EBPL: variants seen among roughly 807,000 people sequenced by gnomAD.
The protein encoded by EBPL is EBP like.
EBPL carries 20 observed loss-of-function variants against 19.0 expected under a neutral mutation model. That is an observed-to-expected ratio of 1.05 (90% CI 0.74 to 1.53). The LOEUF (loss-of-function observed/expected upper bound fraction) is 1.53. EBPL is among the 40% of genes most tolerant of loss of function. EBPL has a pLI of 0.00. For synonymous variants in EBPL, 107 were observed against 117.0 expected (o/e 0.91, Z 0.55); for missense variants, 219 against 261.1 (o/e 0.84, Z 1.11).
At chr13:49,663,897 C>G (rs959910356) in intron 2 of EBPL, among the ~76,000 whole-genome samples, 3 of 150,382 alleles carry the variant, frequency 2.0e-5, no homozygotes, top group African/African-American at 7.4e-5. Flanking sequence ...TGCACTCCAG[C>G]CTGGGTGACA....
At position 49,663,190 on chromosome 13, in the gene EBPL, C is replaced by T. The variant is rs1965174542; in HGVS notation, c.247G>A (p.Glu83Lys). Reference protein sequence around the residue: ...SDGLIASLWKEYGKADARWVY... With the variant: ...SDGLIASLWKKYGKADARWVY... ...CATCTTGCATCAGCTTTGCCATATT[C>T]TTTCCCTAAAGACAAAATCCATGTT... The change falls in exon 3 of 4, where the codon GAA becomes AAA. Residue 83 changes from glutamate to lysine, a missense_variant. Transcript: ENST00000242827. 3 of 1,614,018 alleles carry T rather than the reference C, an allele frequency of 1.9e-6. No homozygotes were observed. In the East Asian group the frequency reaches 6.7e-5, roughly 36 times the overall value.
Position 49,691,373 on chromosome 13 carries a change from A to G in EBPL, c.52T>C (p.Cys18Arg), listed in dbSNP as rs1370625132. The change falls in exon 1 of 4, where the codon TGC (cysteine) becomes CGC (arginine). Residue 18 changes from cysteine (C) to arginine (R), a missense_variant. Cys to Arg is a radical substitution (Grantham distance 180). Around this residue, in one of 2 missense-constraint regions of EBPL, gnomAD observed 170 missense variants for 167.0 expected, o/e 1.02. Transcript: ENST00000242827. ...GAEAGGSLLLCAALLAAGCAL... is the reference protein window; with the variant it reads ...GAEAGGSLLLRAALLAAGCAL... ...CAGCCCGCCGCCAGCAGCGCGGCGCACAGCAGCAGCGAACCGCCAGCCTCG... is the reference window on the plus strand; with the variant it reads ...CAGCCCGCCGCCAGCAGCGCGGCGCGCAGCAGCAGCGAACCGCCAGCCTCG... 2 of 1,363,284 alleles carry G rather than the reference A, an allele frequency of 1.5e-6. No individual in the cohort carries two copies. Among genetic ancestry groups the G allele is most frequent in the Middle Eastern group, 2.4e-4 (1 of 4,236 alleles). 84.4% of individuals were successfully genotyped at this position (1,363,284 alleles called of 1,614,324 possible).
intron 1 of EBPL, among the ~76,000 whole-genome samples, chr13:49,676,086 A>G (rs1448469898): frequency 2.6e-5 from 4 of 152,120 alleles, no homozygotes. Flanking sequence ...TAAAATGGAG[A>G]TATCATCACT....
intron 1 of EBPL, among the ~76,000 whole-genome samples, chr13:49,674,323 T>C (rs1953852816): frequency 6.6e-6 from 1 of 151,976 alleles, no homozygotes; most frequent in South Asian, 2.1e-4. Context: ...AGGCTGGTCT[T>C]GAACTCCTGA....
rs576960995 is a variant in EBPL, at chr13:49,669,398, T to G, written c.241+379A>C. ...AAAACTTTTTTTAAAGATAGGGTCT[T>G]GCTATGTTGCCCAGGCTCAAATATT... On this transcript the variant is annotated intron_variant, in intron 2 of 3. Coordinates refer to ENST00000242827, the MANE Select transcript of EBPL (RefSeq NM_032565.5). 1.3e-4 allele frequency among the ~76,000 whole-genome samples: 20 copies of G among 152,302 alleles called. No homozygotes were observed. The South Asian group carries it at 4.1e-3, about 32-fold the overall frequency.
At position 49,691,426 on chromosome 13, in the gene EBPL, C is replaced by A; in HGVS notation, c.-2G>T. On this transcript the variant is annotated 5_prime_UTR_variant, in exon 1 of 4. Transcript: ENST00000242827. The stretch of plus-strand genomic sequence containing the variant: ...CCCCAGCTCCCACTCAGCGCCCATG[C>A]TTCAGGCTTCCGACGCCAACGGCCC... 1 of 1,337,064 alleles carries A rather than the reference C, an allele frequency of 7.5e-7. No homozygotes were observed. Among genetic ancestry groups the A allele is most frequent in the Non-Finnish European group, 9.6e-7 (1 of 1,045,804 alleles). The allele number at this position is 1,337,064 out of a possible 1,614,324, so 82.8% of individuals were successfully genotyped here. A position where few individuals can be genotyped will look rare whatever the true frequency, so the allele number is the denominator to read the frequency against.
rs1380117580 is a variant in EBPL, at chr13:49,688,893, T to C, written c.171+2361A>G. ...CCCAAGCAAAGACAACATGGGCATGTATTTTCTTGCAGCCTCAACTGCTTA... is the reference window on the plus strand; with the variant it reads ...CCCAAGCAAAGACAACATGGGCATGCATTTTCTTGCAGCCTCAACTGCTTA... On this transcript the variant is annotated intron_variant, in intron 1 of 3. Coordinates refer to ENST00000242827, the MANE Select transcript of EBPL (RefSeq NM_032565.5). 2.0e-5 allele frequency among the ~76,000 whole-genome samples: 3 copies of C among 152,170 alleles called. No homozygotes were observed. In the East Asian group the frequency reaches 5.8e-4, roughly 29 times the overall value.
At chr13:49,689,830 G>T (rs976447575) in intron 1 of EBPL, among the ~76,000 whole-genome samples, 1 of 152,144 alleles carries the variant, frequency 6.6e-6, no homozygotes, top group Admixed American at 6.5e-5. Flanking sequence ...GGGAAACCTT[G>T]TGTTCAAGTG....
intron 1 of EBPL, among the ~76,000 whole-genome samples, chr13:49,681,544 G>A (rs550456603): frequency 6.6e-6 from 1 of 152,160 alleles, no homozygotes; most frequent in East Asian, 1.9e-4. Flanking sequence ...GCTCACCTCA[G>A]CCTCCCAAAA....
intron 1 of EBPL, among the ~76,000 whole-genome samples, chr13:49,676,461 G>A (rs942839857): frequency 2.0e-5 from 3 of 152,010 alleles, no homozygotes; most frequent in South Asian, 4.2e-4. Context: ...GCGTGGTGGC[G>A]GGCACCTGTA....
intron 1 of EBPL, among the ~76,000 whole-genome samples, chr13:49,688,458 G>A (rs1460661934): frequency 6.6e-6 from 1 of 152,148 alleles, no homozygotes; most frequent in Non-Finnish European, 1.5e-5. Flanking sequence ...AGTGGCTCAC[G>A]CCTGTAATCC....
intron 1 of EBPL, among the ~76,000 whole-genome samples, chr13:49,672,609 A>G (rs1383509165): frequency 2.0e-5 from 3 of 152,226 alleles, no homozygotes; most frequent in African/African-American, 7.2e-5. Flanking sequence ...AATAATAATA[A>G]TCTGGTTAGA....
At chr13:49,661,239 C>T (rs772111930) in intron 3 of EBPL, 31 bp from the exon 4 acceptor site, 2 of 1,570,836 alleles carry the variant, frequency 1.3e-6, no homozygotes, top group Admixed American at 3.5e-5. Flanking sequence ...CGGGATGAAC[C>T]ACCAGCTTGG....
intron 1 of EBPL, among the ~76,000 whole-genome samples, chr13:49,686,747 ACT>A (rs751062905): frequency 1.5e-4 from 22 of 151,478 alleles, no homozygotes; most frequent in Admixed American, 9.2e-4. Context: ...TTCTGCCCTG[ACT>A]CTGTCTCTCC....
In EBPL at chr13:49,663,057, C is replaced by T. The variant is rs113216911; in HGVS notation, c.380G>A (p.Arg127Gln). 2.7e-5 allele frequency: 44 copies of T among 1,613,462 alleles called. No homozygotes were observed. The East Asian group carries it at 4.5e-4, about 16-fold the overall frequency. ...IYAIVKEKYY[R>Q]HFLQITLCVC... ...AGCAGGACAGAAGAAGGGCACCTAC[C>T]GGTAATATTTTTCTTTGACTATGGC... Residue 127 changes from arginine (R) to glutamine (Q), a missense_variant and splice_region_variant, in exon 3 of 4, where the codon CGG (arginine) becomes CAG (glutamine). By Grantham distance (43) the Arg-to-Gln change is conservative. Around this residue, in one of 2 missense-constraint regions of EBPL, gnomAD observed 49 missense variants for 94.1 expected, o/e 0.52. Transcript: ENST00000242827.
chr13:49,663,346 G>T, intron 2 of EBPL, 151 bp from the exon 3 acceptor site: 1 of 988,876 alleles, frequency 1.0e-6, no homozygotes, highest in Non-Finnish European at 1.5e-6. Context: ...GGCAGGAGAA[G>T]CCCTGGGACC....
At chr13:49,691,099 G>T (rs1411445111) in intron 1 of EBPL, among the ~76,000 whole-genome samples, 155 bp downstream of exon 1, 1 of 152,166 alleles carries the variant, frequency 6.6e-6, no homozygotes, top group East Asian at 1.9e-4. Flanking sequence ...CGGCCGCCGC[G>T]GCCTCCAGGC....
chr13:49,677,610 G>A (rs1953890660), intron 1 of EBPL, among the ~76,000 whole-genome samples: 1 of 152,154 alleles, frequency 6.6e-6, no homozygotes, highest in Non-Finnish European at 1.5e-5. Context: ...TGCTATTATG[G>A]TTTTAAAGAT....
intron 1 of EBPL, among the ~76,000 whole-genome samples, chr13:49,673,656 C>T (rs369558765): frequency 1.6e-4 from 24 of 152,046 alleles, no homozygotes; most frequent in Admixed American, 8.5e-4. Flanking sequence ...AGGCTGGTCT[C>T]GAACTCCTGA....
Sources: allele counts gnomAD v4.1 joint callset (sites outside exome capture counted in the v4.1 genomes callset), GRCh38; gene constraint gnomAD v4.1.1; regional missense constraint gnomAD v4.1.1; transcripts MANE v1.5; gene names NCBI Gene and HGNC (gene_info 2026-07-23, HGNC 2026-07-21).